The following RHBDD1 variants were observed in gnomAD, a reference collection of about 807,000 sequenced individuals.
RHBDD1 encodes the protein rhomboid-related protein 4.
Under a neutral mutation model 36.3 loss-of-function variants are expected in RHBDD1, and 38 were observed. That is an observed-to-expected ratio of 1.05 (90% confidence interval 0.81 to 1.37). The LOEUF (loss-of-function observed/expected upper bound fraction) is 1.37. Among genes scored for constraint, RHBDD1 ranks in the 40% most tolerant of loss-of-function variants. The pLI, the probability that RHBDD1 is intolerant of heterozygous loss-of-function variation, is 0.00. For synonymous variants in RHBDD1, 151 were observed against 136.5 expected (o/e 1.11, Z -0.74); for missense variants, 393 against 377.6 (o/e 1.04, Z -0.34).
intron 8 of RHBDD1, among the ~76,000 whole-genome samples, chr2:226,963,035 A>C (rs372548493): frequency 2.0e-4 from 30 of 152,148 alleles, no homozygotes; most frequent in African/African-American, 6.3e-4. Context: ...TGCAGTGTTG[A>C]GTAGCATCCC....
chr2:226,817,097 C>G, the RHBDD1 span, among the ~76,000 whole-genome samples: 1 of 152,216 alleles, frequency 6.6e-6, no homozygotes, highest in South Asian at 2.1e-4. Context: ...GTGACATCAT[C>G]TATACCACCT....
At chr2:226,934,196 A>G (rs1173609699) in intron 8 of RHBDD1, among the ~76,000 whole-genome samples, 5 of 152,176 alleles carry the variant, frequency 3.3e-5, no homozygotes, top group Non-Finnish European at 1.5e-5. Context: ...GTTTAGATAC[A>G]CAAATACTTA....
In RHBDD1 at chr2:226,937,467, G is replaced by A. The variant is rs1477354302; in HGVS notation, c.856+23116G>A. Among the ~76,000 whole-genome samples, 7 of 151,956 alleles carry A rather than the reference G, an allele frequency of 4.6e-5. No individual in the cohort carries two copies. The East Asian group carries it at 9.6e-4, about 21-fold the overall frequency. On this transcript the variant is annotated intron_variant, in intron 8 of 8. Coordinates refer to ENST00000392062, the MANE Select transcript of RHBDD1 (RefSeq NM_001167608.3). ...TTATTTTAAGTTCAGGGGTACATGTGCAGGAAATGCAGGTTTGTTAAATAT... is the reference window on the plus strand; with the variant it reads ...TTATTTTAAGTTCAGGGGTACATGTACAGGAAATGCAGGTTTGTTAAATAT...
intron 5 of RHBDD1, among the ~76,000 whole-genome samples, chr2:226,886,790 C>T (rs1946252595): frequency 6.6e-6 from 1 of 152,026 alleles, no homozygotes; most frequent in African/African-American, 2.4e-5. Context: ...ACATATCAAA[C>T]CTGTGGGCTT....
chr2:226,886,727 AT>A (rs1946245386), intron 5 of RHBDD1, among the ~76,000 whole-genome samples: 2 of 152,222 alleles, frequency 1.3e-5, no homozygotes, highest in South Asian at 4.1e-4. Flanking sequence ...TAACTCCCTA[AT>A]TAAGGGGAAT....
In RHBDD1 at chr2:226,906,628, ATGT is replaced by A. The variant is rs368712208; in HGVS notation, c.567-160_567-158del. On this transcript the variant is annotated intron_variant, in intron 5 of 8. Coordinates refer to ENST00000392062, the MANE Select transcript of RHBDD1 (RefSeq NM_001167608.3). ...ATTGTACTTTTTTTTAAGGTAGGAGATGTTGTTCTTTGGACTGAGTTAAATGCT... is the reference window on the plus strand; with the variant it reads ...ATTGTACTTTTTTTTAAGGTAGGAGATGTTCTTTGGACTGAGTTAAATGCT... 154 of 1,419,562 alleles carry A rather than the reference ATGT, an allele frequency of 1.1e-4. No individual in the cohort carries two copies. The East Asian group carries it at 1.6e-3, about 15-fold the overall frequency. The allele number at this position is 1,419,562 out of a possible 1,614,324, so 87.9% of individuals were successfully genotyped here.
In RHBDD1 at chr2:226,979,590, G is replaced by A. The variant is rs140787042; in HGVS notation, c.857-15841G>A. 2.8e-3 allele frequency among the ~76,000 whole-genome samples: 426 copies of A among 152,232 alleles called. 3 individuals are homozygous for A. Among genetic ancestry groups the A allele is most frequent in the Non-Finnish European group, 4.9e-3 (331 of 68,014 alleles). ...CAGGAGGAGAGGAAGCAAGCATCCC[G>A]CACAGGAGGAGAGAGGAAGAGCAAG... On this transcript the variant is annotated intron_variant, in intron 8 of 8. Transcript: ENST00000392062.
At chr2:226,892,016 T>A (rs1946731594) in intron 5 of RHBDD1, among the ~76,000 whole-genome samples, 1 of 152,198 alleles carries the variant, frequency 6.6e-6, no homozygotes. Flanking sequence ...GGGGCTGTGT[T>A]TCTTTGACTG....
intron 5 of RHBDD1, among the ~76,000 whole-genome samples, chr2:226,879,934 T>A (rs1945566822): frequency 2.0e-5 from 3 of 152,178 alleles, no homozygotes; most frequent in Non-Finnish European, 4.4e-5. Context: ...AGATTTAGGT[T>A]TCTAAAGGAA....
In RHBDD1 at chr2:226,995,955, G is replaced by A. The variant is rs10933164; in HGVS notation, c.*433G>A. ...GGAGCCATCCCCGCGTCCTCCTGGC[G>A]CATTGCCACTGTGGCTGTCCAGGAA... On this transcript the variant is annotated 3_prime_UTR_variant, in exon 9 of 9. Coordinates refer to ENST00000392062, the MANE Select transcript of RHBDD1 (RefSeq NM_001167608.3). 0.2 allele frequency: 32,296 copies of A among 163,144 alleles called. 4,170 individuals carry two copies. Among genetic ancestry groups the A allele is most frequent in the Middle Eastern group, 0.29 (100 of 342 alleles). The allele number at this position is 163,144 out of a possible 1,614,324, so 10.1% of individuals were successfully genotyped here.
intron 8 of RHBDD1, among the ~76,000 whole-genome samples, chr2:226,951,444 T>A (rs1951422267): frequency 6.6e-6 from 1 of 152,200 alleles, no homozygotes; most frequent in Admixed American, 6.5e-5. Flanking sequence ...TTAGAAAATT[T>A]AGCAAATTAG....
At position 226,972,574 on chromosome 2, in the gene RHBDD1, G is replaced by T. The variant is rs114867521; in HGVS notation, c.857-22857G>T. On this transcript the variant is annotated intron_variant, in intron 8 of 8. Coordinates refer to ENST00000392062, the MANE Select transcript of RHBDD1 (RefSeq NM_001167608.3). ...CGTGGGCCACACTCAAAACCCTGCA[G>T]TGCTGCTTCATGGACGGAGCTTCTG... Among the ~76,000 whole-genome samples, 324 of 152,336 alleles carry T rather than the reference G, an allele frequency of 2.1e-3. 1 individual carries two copies. The highest frequency in any genetic ancestry group is 7.5e-3 in the African/African-American group (311 of 41,578).
chr2:226,874,160 A>G (rs144948013), intron 5 of RHBDD1, among the ~76,000 whole-genome samples: 168 of 152,242 alleles, frequency 1.1e-3, no homozygotes, highest in African/African-American at 3.9e-3. Flanking sequence ...TTGACACATG[A>G]GGAGTATATT....
At chr2:226,978,605 G>C (rs1955015061) in intron 8 of RHBDD1, among the ~76,000 whole-genome samples, 1 of 152,178 alleles carries the variant, frequency 6.6e-6, no homozygotes, top group Non-Finnish European at 1.5e-5. Flanking sequence ...TTCATCCCCA[G>C]GCATAGAATG....
At chr2:226,854,898 G>C (rs1943176271) in intron 3 of RHBDD1, among the ~76,000 whole-genome samples, 1 of 152,142 alleles carries the variant, frequency 6.6e-6, no homozygotes, top group African/African-American at 2.4e-5. Flanking sequence ...GTAGACTAGG[G>C]GAAGAGTGTA....
chr2:226,969,220 C>T (rs1952971259), intron 8 of RHBDD1: 1 of 151,946 alleles, frequency 6.6e-6, no homozygotes, highest in Non-Finnish European at 1.5e-5. Context: ...TAACAGAGAG[C>T]CTGATTGTTG....
chr2:226,959,898 C>T (rs58969206), intron 8 of RHBDD1, among the ~76,000 whole-genome samples: 65,331 of 151,734 alleles, frequency 0.43, 14,119 homozygotes, highest in South Asian at 0.52. Context: ...TCTCGGCTCA[C>T]TGCAACCTCT....
rs556442194 is a variant in RHBDD1, at chr2:226,981,712, G to A, written c.857-13719G>A. On this transcript the variant is annotated intron_variant, in intron 8 of 8. Coordinates refer to ENST00000392062, the MANE Select transcript of RHBDD1 (RefSeq NM_001167608.3). ...AATGCCATCAAATACAGAAACAGGC[G>A]TGGTTTTAAAATGACCATCATACTT... is the stretch of plus-strand genomic sequence containing the variant. Among the ~76,000 whole-genome samples, 170 of 152,314 alleles carry A rather than the reference G, an allele frequency of 1.1e-3. 1 individual carries two copies. Among genetic ancestry groups the A allele is most frequent in the Non-Finnish European group, 2.0e-3 (139 of 68,036 alleles).
At chr2:226,880,313 A>G (rs1011273089) in intron 5 of RHBDD1, among the ~76,000 whole-genome samples, 2 of 151,436 alleles carry the variant, frequency 1.3e-5, no homozygotes, top group Non-Finnish European at 1.5e-5. Context: ...CATTTCTTAG[A>G]TGTTCATTTA....
Sources: allele counts gnomAD v4.1 joint callset (sites outside exome capture counted in the v4.1 genomes callset), GRCh38; gene constraint gnomAD v4.1.1; transcripts MANE v1.5; gene names NCBI Gene and HGNC (gene_info 2026-07-23, HGNC 2026-07-21).